Variants in PRKACB observed in about 807,000 individuals in gnomAD.
PRKACB encodes cAMP-dependent protein kinase catalytic subunit beta.
A neutral mutation model predicts 51.4 loss-of-function variants in PRKACB; 16 were observed. The ratio of observed to expected loss-of-function variants is 0.31; its 90% CI spans 0.21 to 0.47. PRKACB has a LOEUF of 0.47. Among genes scored for constraint, PRKACB ranks in the 20% least tolerant of loss-of-function variants. The pLI is 1.00. For missense variants in PRKACB, 309 were observed against 464.5 expected, an observed-to-expected ratio of 0.67 and a Z score of 3.08; for synonymous variants, 147 against 154.4, an observed-to-expected ratio of 0.95 and a Z score of 0.35.
chr1:84,154,632 T>G (rs1655232048), intron 1 of PRKACB, among the ~76,000 whole-genome samples: 1 of 152,074 alleles, frequency 6.6e-6, no homozygotes, highest in South Asian at 2.1e-4. Context: ...TAGGCCAATA[T>G]CCCTGATGAA....
intron 1 of PRKACB, chr1:84,078,405 G>C: frequency 6.2e-7 from 1 of 1,601,982 alleles, no homozygotes; most frequent in Middle Eastern, 1.8e-4. Flanking sequence ...TATCCGCTGG[G>C]CGGGCCGGCG....
rs1370107993 is a variant in PRKACB, at chr1:84,202,827, T to C, written c.906+22T>C. 3 of 1,554,972 alleles carry C rather than the reference T, an allele frequency of 1.9e-6. No homozygotes were observed. In the East Asian group the frequency reaches 6.8e-5, roughly 35 times the overall value. On this transcript the variant is annotated intron_variant, in intron 8 of 9. Coordinates refer to ENST00000370685, the MANE Select transcript of PRKACB (RefSeq NM_182948.4). The stretch of plus-strand genomic sequence containing the variant: ...AAAGGTAAGTAAAACATTTTATTAT[T>C]CCTCTCTTATTACTGTATATGAATT...
chr1:84,226,456 G>A (rs1205716393), intron 9 of PRKACB, among the ~76,000 whole-genome samples: 1 of 151,880 alleles, frequency 6.6e-6, no homozygotes, highest in Non-Finnish European at 1.5e-5. Flanking sequence ...ATATAGGAAG[G>A]AATTTATGTC....
chr1:84,197,433 A>G (rs2101230301), intron 6 of PRKACB, among the ~76,000 whole-genome samples: 1 of 152,116 alleles, frequency 6.6e-6, no homozygotes, highest in Non-Finnish European at 1.5e-5. Context: ...ATTTATTTTT[A>G]CCTTTTATTT....
exon 1 of PRKACB, chr1:84,078,219 A>G: frequency 7.7e-7 from 1 of 1,295,542 alleles, no homozygotes; most frequent in Non-Finnish European, 1.1e-6. Context: ...AGGCGCACTC[A>G]CCGCTCTGAC....
At chr1:84,095,155 C>A (rs1185876981) in intron 1 of PRKACB, among the ~76,000 whole-genome samples, 1 of 151,454 alleles carries the variant, frequency 6.6e-6, no homozygotes, top group Non-Finnish European at 1.5e-5. Flanking sequence ...GTATCCCTGG[C>A]ATTAAGTGAC....
Position 84,176,563 on chromosome 1 carries a change from C to T in PRKACB, c.188-2614C>T, listed in dbSNP as rs114456671. ...TTTATCTTTGCATCTACATAGTACA[C>T]ATAAAAACTAGAGATTTCATATGTG... On this transcript the variant is annotated intron_variant, in intron 1 of 9. Transcript: ENST00000370685. Among the ~76,000 whole-genome samples the T allele has an allele frequency of 5.4e-3, 824 of 151,384 alleles. 6 individuals carry two copies. Among genetic ancestry groups the T allele is most frequent in the African/African-American group, 0.019 (771 of 41,370 alleles).
chr1:84,078,097 G>C, upstream of PRKACB: 1 of 422,940 alleles, frequency 2.4e-6, no homozygotes. Flanking sequence ...TGCCACCGCC[G>C]TCGCCGCCGC....
intron 1 of PRKACB, among the ~76,000 whole-genome samples, chr1:84,081,833 G>A (rs575771653): frequency 6.6e-6 from 1 of 152,312 alleles, no homozygotes; most frequent in South Asian, 2.1e-4. Flanking sequence ...AGGTTTGAAT[G>A]TAGATTCTTT....
intron 1 of PRKACB, among the ~76,000 whole-genome samples, chr1:84,097,282 A>G (rs1190118110): frequency 1.3e-5 from 2 of 152,044 alleles, no homozygotes; most frequent in Non-Finnish European, 2.9e-5. Context: ...ACTGTCATAA[A>G]GTATATGTAT....
At chr1:84,109,631 T>C (rs1391392686) in intron 1 of PRKACB, among the ~76,000 whole-genome samples, 1 of 151,974 alleles carries the variant, frequency 6.6e-6, no homozygotes, top group Non-Finnish European at 1.5e-5. Flanking sequence ...ATAACAAGTG[T>C]GTTTCCCTGA....
Position 84,232,534 on chromosome 1 carries a change from T to G in PRKACB, c.1072-2646T>G, listed in dbSNP as rs1467897145. Among the ~76,000 whole-genome samples, 3 of 151,964 alleles carry G rather than the reference T, an allele frequency of 2.0e-5. No homozygotes were observed. The East Asian group carries it at 5.8e-4, about 29-fold the overall frequency. On this transcript the variant is annotated intron_variant, in intron 9 of 9. Coordinates refer to ENST00000370685, the MANE Select transcript of PRKACB (RefSeq NM_182948.4). ...GGGTGTTAAAGTCTCCCATTATTAA[T>G]GTGTGGGAGTCTAAGTCTTTTTGTA...
At chr1:84,116,391 G>C (rs1481706017) in intron 1 of PRKACB, among the ~76,000 whole-genome samples, 1 of 152,112 alleles carries the variant, frequency 6.6e-6, no homozygotes, top group African/African-American at 2.4e-5. Context: ...AATGATGTTA[G>C]TATTTTGATA....
At chr1:84,213,060 CAG>C (rs1302599739) in intron 8 of PRKACB, among the ~76,000 whole-genome samples, 22 of 152,198 alleles carry the variant, frequency 1.4e-4, no homozygotes, top group African/African-American at 5.3e-4. Context: ...AATAAGAATG[CAG>C]AGAGTTTGGG....
intron 1 of PRKACB, among the ~76,000 whole-genome samples, chr1:84,110,302 T>C (rs1650121363): frequency 6.6e-6 from 1 of 151,944 alleles, no homozygotes; most frequent in African/African-American, 2.4e-5. Context: ...ATAAATAATC[T>C]AGAGATGATT....
chr1:84,123,647 A>G (rs546422201), intron 1 of PRKACB, among the ~76,000 whole-genome samples: 1 of 152,128 alleles, frequency 6.6e-6, no homozygotes, highest in Non-Finnish European at 1.5e-5. Context: ...ACGCTATAAA[A>G]TGTTGCAATT....
intron 1 of PRKACB, among the ~76,000 whole-genome samples, chr1:84,153,197 G>A (rs186184991): frequency 6.6e-4 from 100 of 152,116 alleles, no homozygotes; most frequent in African/African-American, 2.3e-3. Context: ...GCAGTTTGTG[G>A]TGCCCTAAAA....
intron 7 of PRKACB, among the ~76,000 whole-genome samples, chr1:84,202,025 G>A (rs1670254442): frequency 6.6e-6 from 1 of 151,946 alleles, no homozygotes; most frequent in South Asian, 2.1e-4. Context: ...AAAACTCTGT[G>A]AATTCATTTT....
chr1:84,230,366 A>T (rs905420787), intron 9 of PRKACB, among the ~76,000 whole-genome samples: 15 of 152,242 alleles, frequency 9.9e-5, no homozygotes, highest in Middle Eastern at 3.4e-3. Context: ...TCAGGTAGTG[A>T]GATGCCTCCA....
Sources: gnomAD v4.1 joint callset for allele counts (sites outside exome capture counted in the v4.1 genomes callset) on GRCh38, gnomAD v4.1.1 for gene constraint, MANE v1.5 for transcripts, NCBI Gene and HGNC (gene_info 2026-07-23, HGNC 2026-07-21) for gene names.